The following PLCE1 variants were observed in gnomAD, a reference collection of about 807,000 sequenced individuals.
PLCE1 encodes the protein phospholipase C epsilon 1, also known as 1-phosphatidylinositol 4,5-bisphosphate phosphodiesterase epsilon-1.
Under a neutral mutation model 242.8 loss-of-function variants are expected in PLCE1, and 119 were observed. The ratio of observed to expected loss-of-function variants is 0.49; its 90% CI spans 0.42 to 0.57. PLCE1 has a LOEUF of 0.57. PLCE1 is among the 20% of genes least tolerant of loss of function. The pLI is 0.00. For missense variants in PLCE1, 2,441 were observed against 2,788.8 expected, an observed-to-expected ratio of 0.88 and a Z score of 2.81; for synonymous variants, 945 against 1,017.4, an observed-to-expected ratio of 0.93 and a Z score of 1.35.
chr10:94,196,971 T>C (rs2048841680), intron 4 of PLCE1, among the ~76,000 whole-genome samples: 1 of 152,108 alleles, frequency 6.6e-6, no homozygotes, highest in Non-Finnish European at 1.5e-5. Context: ...AGAAACCACA[T>C]ACCCACTAGC....
At chr10:94,231,623 G>A (rs1479036531) in intron 5 of PLCE1, among the ~76,000 whole-genome samples, 1 of 151,604 alleles carries the variant, frequency 6.6e-6, no homozygotes, top group Non-Finnish European at 1.5e-5. Flanking sequence ...TTTAAAACAG[G>A]GATCCCCAGC....
chr10:94,131,590 G>A (rs1287933724), intron 2 of PLCE1, among the ~76,000 whole-genome samples: 1 of 152,200 alleles, frequency 6.6e-6, no homozygotes, highest in Admixed American at 6.5e-5. Flanking sequence ...AGCAGGATCT[G>A]TCAACTTATT....
chr10:94,285,836 T>C (rs760629436), intron 22 of PLCE1, among the ~76,000 whole-genome samples: 8 of 152,142 alleles, frequency 5.3e-5, no homozygotes, highest in Non-Finnish European at 7.3e-5. Context: ...TTTCCCCCAA[T>C]TGACCGTTTT....
At chr10:94,297,321 G>T (rs1363171792) in intron 23 of PLCE1, among the ~76,000 whole-genome samples, 1 of 152,020 alleles carries the variant, frequency 6.6e-6, no homozygotes, top group Admixed American at 6.6e-5. Context: ...GTGAAGGGCT[G>T]GTGGGTAGAG....
At chr10:94,001,479 A>G (rs1012836899) in intron 1 of PLCE1, among the ~76,000 whole-genome samples, 1 of 152,360 alleles carries the variant, frequency 6.6e-6, no homozygotes, top group African/African-American at 2.4e-5. Flanking sequence ...TAAGGCTGCT[A>G]TATGTAGAAT....
chr10:94,216,663 C>G (rs2049540041), intron 4 of PLCE1, among the ~76,000 whole-genome samples: 2 of 152,054 alleles, frequency 1.3e-5, no homozygotes, highest in East Asian at 3.9e-4. Context: ...ACATTCTTCT[C>G]TAATTCAGAA....
chr10:94,093,934 C>CTTTTTTTTTTTTTTT (rs398046178), intron 2 of PLCE1, among the ~76,000 whole-genome samples: 2 of 79,190 alleles, frequency 2.5e-5, no homozygotes, highest in Admixed American at 1.6e-4. Context: ...ATCGGTATTT[C>CTTTTTTTTTTTTTTT]TTTTTTTTTT....
rs1405445374 is a variant in PLCE1, at chr10:93,994,214, A to C, written c.-409A>C. On this transcript the variant is annotated 5_prime_UTR_variant, in exon 1 of 33. Coordinates refer to ENST00000371380, the MANE Select transcript of PLCE1 (RefSeq NM_016341.4). ...CGCGCGGACGGCTGGTCCCAGAGGG[A>C]CGCTGCGCTTGGGGACGCCGGCGAG... Among the ~76,000 whole-genome samples the C allele has an allele frequency of 1.3e-5, 2 of 152,172 alleles. No homozygotes were observed. Among genetic ancestry groups the C allele is most frequent in the African/African-American group, 4.8e-5 (2 of 41,468 alleles).
chr10:94,252,966 G>C (rs1038906140), intron 9 of PLCE1, among the ~76,000 whole-genome samples: 4 of 152,202 alleles, frequency 2.6e-5, no homozygotes, highest in Admixed American at 6.5e-5. Flanking sequence ...TGGATGGCTA[G>C]AGCATGAGCA....
intron 2 of PLCE1, among the ~76,000 whole-genome samples, chr10:94,037,670 T>C (rs1344639081): frequency 6.6e-6 from 1 of 152,190 alleles, no homozygotes; most frequent in Non-Finnish European, 1.5e-5. Flanking sequence ...TTTAGTCATG[T>C]CTAGTGCCTC....
chr10:94,259,294 T>A, intron 13 of PLCE1, 144 bp downstream of exon 13: 1 of 872,226 alleles, frequency 1.1e-6, no homozygotes. Flanking sequence ...AATTTTTTTT[T>A]TTTTTTTGAG....
rs141190388 is a variant in PLCE1, at chr10:94,128,566, C to A, written c.1207-3608C>A. On this transcript the variant is annotated intron_variant, in intron 2 of 32. Coordinates refer to ENST00000371380, the MANE Select transcript of PLCE1 (RefSeq NM_016341.4). The stretch of plus-strand genomic sequence containing the variant: ...GGGGGCTTGGAAATGTGGCTGATAA[C>A]GATGTTGAAATATTACTTAATATAT... Among the ~76,000 whole-genome samples, 528 of 152,146 alleles carry A rather than the reference C, an allele frequency of 3.5e-3. 2 individuals carry two copies. The highest frequency in any genetic ancestry group is 0.012 in the African/African-American group (516 of 41,518).
At position 93,994,054 on chromosome 10, in the gene PLCE1, G is replaced by GCCCGGGCTCTGCCT. The variant is rs1438095332; in HGVS notation, c.-559_-558insGCCTCCCGGGCTCT. Among the ~76,000 whole-genome samples the GCCCGGGCTCTGCCT allele has an allele frequency of 5.4e-4, 81 of 151,248 alleles. No individual in the cohort carries two copies. Among genetic ancestry groups the GCCCGGGCTCTGCCT allele is most frequent in the African/African-American group, 1.6e-3 (67 of 41,388 alleles). On this transcript the variant is annotated 5_prime_UTR_variant, in exon 1 of 33. Transcript: ENST00000371380. ...GCGGCGGGAGGGGCAGCGGCGGCGC[G>GCCCGGGCTCTGCCT]CCCGGGCTCTACCTCCCGGGCTCTG...
chr10:94,124,481 C>G (rs2046386021), intron 2 of PLCE1, among the ~76,000 whole-genome samples: 2 of 151,870 alleles, frequency 1.3e-5, no homozygotes, highest in Admixed American at 1.3e-4. Flanking sequence ...TAATAACTGG[C>G]CAGCCTCTTC....
In PLCE1 at chr10:94,328,314, T is replaced by C. The variant is rs535434087; in HGVS notation, c.*371T>C. ...CAACCACCCAATTCTGCCATTGTAG[T>C]GCAAAAGCAGCCATAGACAACACAT... On this transcript the variant is annotated 3_prime_UTR_variant, in exon 33 of 33. Coordinates refer to ENST00000371380, the MANE Select transcript of PLCE1 (RefSeq NM_016341.4). 4.7e-4 allele frequency: 91 copies of C among 193,106 alleles called. No homozygotes were observed. Among genetic ancestry groups the C allele is most frequent in the African/African-American group, 1.9e-3 (84 of 43,582 alleles). 12.0% of individuals were successfully genotyped at this position (193,106 alleles called of 1,614,324 possible).
intron 22 of PLCE1, among the ~76,000 whole-genome samples, 160 bp downstream of exon 22, chr10:94,285,125 C>T (rs2052392368): frequency 6.6e-6 from 1 of 152,028 alleles, no homozygotes; most frequent in Non-Finnish European, 1.5e-5. Context: ...TTATAATTTG[C>T]CTTGATGCTC....
chr10:94,199,280 C>T (rs565535809), intron 4 of PLCE1, among the ~76,000 whole-genome samples: 3 of 152,264 alleles, frequency 2.0e-5, no homozygotes, highest in Admixed American at 6.5e-5. Flanking sequence ...AAGCGTTATG[C>T]GAAGTGGCTG....
chr10:94,316,029 A>G (rs892313002), intron 28 of PLCE1, among the ~76,000 whole-genome samples: 7 of 152,142 alleles, frequency 4.6e-5, no homozygotes, highest in African/African-American at 1.7e-4. Context: ...TTGACTGCAC[A>G]GGGTCAGCAG....
At chr10:94,016,220 C>T (rs947133911) in intron 1 of PLCE1, among the ~76,000 whole-genome samples, 2 of 151,808 alleles carry the variant, frequency 1.3e-5, no homozygotes, top group Admixed American at 1.3e-4. Context: ...TTCCTTTAGA[C>T]AGTATAATAT....
Sources: allele counts gnomAD v4.1 joint callset (sites outside exome capture counted in the v4.1 genomes callset), GRCh38; gene constraint gnomAD v4.1.1; transcripts MANE v1.5; gene names NCBI Gene and HGNC (gene_info 2026-07-23, HGNC 2026-07-21).